SGPP1: variants seen among roughly 807,000 people sequenced by gnomAD.
SGPP1 encodes sphingosine-1-phosphate phosphatase 1.
Under a neutral mutation model 33.0 loss-of-function variants are expected in SGPP1, and 21 were observed. The ratio of observed to expected loss-of-function variants is 0.64; its 90% CI spans 0.45 to 0.92. The LOEUF (loss-of-function observed/expected upper bound fraction) is 0.92, where lower values mean the gene tolerates loss of function less well. Among genes scored for constraint, SGPP1 ranks in the 40% least tolerant of loss-of-function variants. The pLI is 0.00. For synonymous variants in SGPP1, 239 were observed against 241.2 expected, an observed-to-expected ratio of 0.99 and a Z score of 0.08; for missense variants, 543 against 589.4, an observed-to-expected ratio of 0.92 and a Z score of 0.81.
rs2139659610 is a variant in SGPP1, at chr14:63,727,658, T to C, written c.287A>G (p.Glu96Gly). 7.4e-7 allele frequency: 1 copy of C among 1,345,430 alleles called. No homozygotes were observed. The highest frequency in any genetic ancestry group is 9.5e-7 in the Non-Finnish European group (1 of 1,057,012). 83.3% of individuals were successfully genotyped at this position (1,345,430 alleles called of 1,614,324 possible). The change falls in exon 1 of 3, where the codon GAG becomes GGG. Residue 96 changes from glutamate (E) to glycine (G), a missense_variant. Physicochemically the swap from Glu to Gly is moderately conservative, Grantham distance 98 (BLOSUM62 -2). Coordinates refer to ENST00000247225, the MANE Select transcript of SGPP1 (RefSeq NM_030791.4). ...PNGVRNGLAA[E>G]LGPASPRRAG... ...GCGCCGCGGCGAGGCCGGGCCCAGC[T>C]CGGCCGCCAGCCCGTTCCGCACGCC...
intron 1 of SGPP1, among the ~76,000 whole-genome samples, chr14:63,706,683 G>T (rs913572884): frequency 1.3e-5 from 2 of 152,058 alleles, no homozygotes; most frequent in African/African-American, 4.8e-5. Context: ...TCAGTTCCTG[G>T]CCTCAAACAT....
intron 2 of SGPP1, among the ~76,000 whole-genome samples, chr14:63,688,309 C>G (rs1052452515): frequency 8.6e-5 from 8 of 92,862 alleles, no homozygotes; most frequent in Non-Finnish European, 1.1e-4. Context: ...GAGCAAGACT[C>G]TGTCTCAAAA....
chr14:63,705,546 T>C (rs935180137), intron 1 of SGPP1, among the ~76,000 whole-genome samples: 2 of 151,778 alleles, frequency 1.3e-5, no homozygotes, highest in Admixed American at 6.6e-5. Context: ...CATGCACTTG[T>C]GGTCCCAGGT....
At position 63,685,914 on chromosome 14, in the gene SGPP1, A is replaced by G; in HGVS notation, c.*191T>C. On this transcript the variant is annotated 3_prime_UTR_variant, in exon 3 of 3. Transcript: ENST00000247225. ...TACTTATCATTTTCTCAGTAACGAA[A>G]TAGCTCAGCTCACCTAAAACAGTAT... 1 of 405,176 alleles carries G rather than the reference A, an allele frequency of 2.5e-6. No individual in the cohort carries two copies. Among genetic ancestry groups the G allele is most frequent in the Non-Finnish European group, 4.3e-6 (1 of 230,664 alleles). 25.1% of individuals were successfully genotyped at this position (405,176 alleles called of 1,614,324 possible).
At chr14:63,716,510 A>G (rs531766861) in intron 1 of SGPP1, among the ~76,000 whole-genome samples, 1 of 151,984 alleles carries the variant, frequency 6.6e-6, no homozygotes, top group South Asian at 2.1e-4. Context: ...ACAAACAAAA[A>G]AATTAAAAAT....
chr14:63,698,708 A>G (rs201954172), intron 1 of SGPP1, 50 bp from the exon 2 acceptor site: 1 of 1,041,448 alleles, frequency 9.6e-7, no homozygotes, highest in African/African-American at 1.6e-5. Flanking sequence ...AGTTAGATAT[A>G]AACAAACAAA....
chr14:63,686,651 A>C lies in SGPP1; in HGVS notation c.780T>G (p.Ile260Met), dbSNP rs1348722624. Residue 260 changes from isoleucine to methionine, a missense_variant, in exon 3 of 3, where the codon ATT (isoleucine) becomes ATG (methionine). Coordinates refer to ENST00000247225, the MANE Select transcript of SGPP1 (RefSeq NM_030791.4). ...AAATGGTATATAGGAATCCAGCAAT[A>C]ATATCCTAGGAAAAGATAAAAGTAT... ...IYMGMHSILD[I>M]IAGFLYTILI... 1.3e-6 allele frequency: 2 copies of C among 1,595,230 alleles called. No individual in the cohort carries two copies. The highest frequency in any genetic ancestry group is 1.7e-6 in the Non-Finnish European group (2 of 1,166,996).
chr14:63,693,975 G>C (rs539377445), intron 2 of SGPP1, among the ~76,000 whole-genome samples: 1 of 152,034 alleles, frequency 6.6e-6, no homozygotes, highest in Non-Finnish European at 1.5e-5. Context: ...TTCTTTTATA[G>C]TACCTTAAAA....
chr14:63,717,724 AC>A (rs1885665583), intron 1 of SGPP1, among the ~76,000 whole-genome samples: 1 of 152,096 alleles, frequency 6.6e-6, no homozygotes, highest in African/African-American at 2.4e-5. Flanking sequence ...AAAACTACAA[AC>A]CCATGGATTC....
intron 1 of SGPP1, among the ~76,000 whole-genome samples, chr14:63,720,118 G>C (rs1236485672): frequency 4.5e-5 from 6 of 132,614 alleles, no homozygotes; most frequent in South Asian, 4.7e-4. Context: ...GAGGGAGCCT[G>C]CATCTCACAA....
intron 1 of SGPP1, among the ~76,000 whole-genome samples, chr14:63,714,744 AT>A (rs368742605): frequency 0.025 from 3,518 of 142,658 alleles, 44 homozygotes; most frequent in African/African-American, 0.027. Flanking sequence ...ATTTTTATTT[AT>A]TTTTTTTTTT....
At position 63,715,996 on chromosome 14, in the gene SGPP1, C is replaced by A. The variant is rs557052908; in HGVS notation, c.684+11265G>T. Among the ~76,000 whole-genome samples the A allele has an allele frequency of 2.6e-5, 4 of 152,188 alleles. No individual in the cohort carries two copies. The East Asian group carries it at 7.7e-4, about 29-fold the overall frequency. On this transcript the variant is annotated intron_variant, in intron 1 of 2. Transcript: ENST00000247225. ...GATTATTCTGGACCATCCTATCAAA[C>A]CTAGAAGGATTTAAACTGACAAGTA... is the stretch of plus-strand genomic sequence containing the variant.
chr14:63,724,714 G>C (rs1885842603), intron 1 of SGPP1, among the ~76,000 whole-genome samples: 1 of 151,462 alleles, frequency 6.6e-6, no homozygotes, highest in Non-Finnish European at 1.5e-5. Context: ...CAGTGGTGGG[G>C]AGGCCGATGA....
In SGPP1 at chr14:63,727,962, G is replaced by C. The variant is rs1173081812; in HGVS notation, c.-18C>G. On this transcript the variant is annotated 5_prime_UTR_variant, in exon 1 of 3. Transcript: ENST00000247225. ...AGCGACATGATAACGGAACCCCCGG[G>C]AAGGCGGGCCGGCCTCCGGCGCAGC... 1.1e-5 allele frequency: 17 copies of C among 1,538,316 alleles called. No individual in the cohort carries two copies. The highest frequency in any genetic ancestry group is 7.7e-5 in the Admixed American group (4 of 52,156).
At chr14:63,696,486 T>C (rs1349946699) in intron 2 of SGPP1, among the ~76,000 whole-genome samples, 1 of 152,178 alleles carries the variant, frequency 6.6e-6, no homozygotes, top group Non-Finnish European at 1.5e-5. Context: ...TGCTAACTTT[T>C]AGGGGTGGAA....
chr14:63,708,763 A>C (rs966814778), intron 1 of SGPP1, among the ~76,000 whole-genome samples: 1 of 152,174 alleles, frequency 6.6e-6, no homozygotes, highest in Non-Finnish European at 1.5e-5. Context: ...TCATCAGAAC[A>C]ACCATATGGC....
At chr14:63,714,937 C>G (rs1023861642) in intron 1 of SGPP1, among the ~76,000 whole-genome samples, 24 of 151,590 alleles carry the variant, frequency 1.6e-4, no homozygotes, top group Admixed American at 1.6e-3. Context: ...CCATGGTGCC[C>G]AGGCTGGTAT....
At chr14:63,705,042 G>T (rs1489505733) in intron 1 of SGPP1, among the ~76,000 whole-genome samples, 1 of 151,492 alleles carries the variant, frequency 6.6e-6, no homozygotes, top group Admixed American at 6.6e-5. Flanking sequence ...TGGGAGACTC[G>T]CTTGAACCCG....
Position 63,686,330 on chromosome 14 carries a change from C to G in SGPP1, c.1101G>C (p.Leu367Phe), listed in dbSNP as rs774034290. 12 of 1,613,890 alleles carry G rather than the reference C, an allele frequency of 7.4e-6. No individual in the cohort carries two copies. In the African/African-American group the frequency reaches 1.5e-4, roughly 20 times the overall value. ...CAAATACCATCCCTATGAGGATCCGCAATATGGCTTTTCCAAACAGAGTCA... is the reference window on the plus strand; with the variant it reads ...CAAATACCATCCCTATGAGGATCCGGAATATGGCTTTTCCAAACAGAGTCA... ...ITVTLFGKAI[L>F]RILIGMVFVL... Residue 367 changes from leucine to phenylalanine, a missense_variant, in exon 3 of 3, where the codon TTG (leucine) becomes TTC (phenylalanine). By Grantham distance (22) the Leu-to-Phe change is conservative (BLOSUM62 0). Coordinates refer to ENST00000247225, the MANE Select transcript of SGPP1 (RefSeq NM_030791.4).
Sources: gnomAD v4.1 joint callset for allele counts (sites outside exome capture counted in the v4.1 genomes callset) on GRCh38, gnomAD v4.1.1 for gene constraint, MANE v1.5 for transcripts, NCBI Gene and HGNC (gene_info 2026-07-23, HGNC 2026-07-21) for gene names.